The following MAML3 variants were observed in gnomAD, a reference collection of about 807,000 sequenced individuals.
The protein encoded by MAML3 is mastermind like transcriptional coactivator 3.
Under a neutral mutation model 101.9 loss-of-function variants are expected in MAML3, and 27 were observed. That is an observed-to-expected ratio of 0.27 (90% CI 0.20 to 0.37). The LOEUF (loss-of-function observed/expected upper bound fraction) is 0.37, where lower values mean the gene tolerates loss of function less well. Ranked by LOEUF, MAML3 falls within the 10% of genes least tolerant of loss-of-function variation. The pLI, the probability that MAML3 is intolerant of heterozygous loss-of-function variation, is 1.00. For synonymous variants in MAML3, 501 were observed against 555.9 expected, an observed-to-expected ratio of 0.90 and a Z score of 1.39; for missense variants, 1,316 against 1,444.9, an observed-to-expected ratio of 0.91 and a Z score of 1.45.
At chr4:139,954,325 G>A (rs575297789) in intron 1 of MAML3, among the ~76,000 whole-genome samples, 35 of 152,242 alleles carry the variant, frequency 2.3e-4, no homozygotes, top group African/African-American at 8.4e-4. Flanking sequence ...TTGTGCTTTG[G>A]GGATTGCTAT....
At chr4:139,861,689 C>T (rs1365766003) in intron 2 of MAML3, among the ~76,000 whole-genome samples, 3 of 152,156 alleles carry the variant, frequency 2.0e-5, no homozygotes, top group Non-Finnish European at 4.4e-5. Flanking sequence ...CAACTCCTGT[C>T]GGGCTCTTGC....
intron 1 of MAML3, among the ~76,000 whole-genome samples, chr4:140,141,420 A>C (rs1408952118): frequency 2.0e-5 from 3 of 152,228 alleles, no homozygotes; most frequent in Non-Finnish European, 2.9e-5. Context: ...ACCTGTAGGA[A>C]GTGGCAACTC....
At chr4:139,927,794 T>C (rs1578601232) in intron 1 of MAML3, among the ~76,000 whole-genome samples, 2 of 152,248 alleles carry the variant, frequency 1.3e-5, no homozygotes, top group Admixed American at 6.5e-5. Context: ...CATGTCTTTT[T>C]TCTGTGCCTT....
At chr4:139,846,778 T>C (rs1731459118) in intron 2 of MAML3, among the ~76,000 whole-genome samples, 1 of 152,266 alleles carries the variant, frequency 6.6e-6, no homozygotes, top group Admixed American at 6.5e-5. Flanking sequence ...TCCAGTATAC[T>C]TCAAATACCT....
At chr4:139,798,056 GAAAGAAAGAA>G (rs1730544696) in intron 2 of MAML3, among the ~76,000 whole-genome samples, 1 of 134,262 alleles carries the variant, frequency 7.4e-6, no homozygotes, top group Non-Finnish European at 1.5e-5. Flanking sequence ...AAGAAAGAAA[GAAAGAAAGAA>G]AGAAAGAAAG....
At chr4:140,133,909 A>G (rs1728838978) in intron 1 of MAML3, 1 of 348,800 alleles carries the variant, frequency 2.9e-6, no homozygotes, top group Admixed American at 3.9e-5. Context: ...AGAAACAAGG[A>G]TACTTCATCT....
At chr4:139,945,829 G>C (rs960771213) in intron 1 of MAML3, among the ~76,000 whole-genome samples, 1 of 152,154 alleles carries the variant, frequency 6.6e-6, no homozygotes, top group South Asian at 2.1e-4. Flanking sequence ...TCATACGAAG[G>C]CATTTATTCA....
rs780149153 is a variant in MAML3, at chr4:139,890,839, C to T, written c.597G>A (p.Gly199=). The T allele has an allele frequency of 1.5e-5, 25 of 1,613,858 alleles. No homozygotes were observed. The South Asian group carries it at 2.2e-4, about 14-fold the overall frequency. Residue 199 remains glycine, a synonymous_variant, in exon 2 of 5, where the codon GGG becomes GGA. Coordinates refer to ENST00000509479, the MANE Select transcript of MAML3 (RefSeq NM_018717.5). This position sits in a 1 kb window ranked among gnomAD's most constrained non-coding sequence, Gnocchi z 4.1. ...SKRIRKDISA[G]MEAINNLPSN... is the part of the protein sequence containing the mutation. Reference sequence around the variant, plus strand: ...TGGGCAAATTGTTGATGGCTTCCATCCCCGCAGAAATGTCCTTTCGAATTC... The same window carrying T: ...TGGGCAAATTGTTGATGGCTTCCATTCCCGCAGAAATGTCCTTTCGAATTC...
rs983135606 is a variant in MAML3, at chr4:139,899,240, T to C, written c.469-8273A>G. Among the ~76,000 whole-genome samples the C allele has an allele frequency of 2.0e-5, 3 of 152,198 alleles. No homozygotes were observed. In the East Asian group the frequency reaches 5.8e-4, roughly 29 times the overall value. On this transcript the variant is annotated intron_variant, in intron 1 of 4. Coordinates refer to ENST00000509479, the MANE Select transcript of MAML3 (RefSeq NM_018717.5). Reference sequence around the variant, plus strand: ...CATACACATACAAATCCAATGTCACTACAAAATGTTCCTGAGTTGATTGGT... The same window carrying C: ...CATACACATACAAATCCAATGTCACCACAAAATGTTCCTGAGTTGATTGGT...
intron 1 of MAML3, among the ~76,000 whole-genome samples, chr4:139,894,465 G>A (rs757737707): frequency 9.2e-5 from 14 of 151,442 alleles, no homozygotes; most frequent in Non-Finnish European, 1.9e-4. Flanking sequence ...AGCTGAGATC[G>A]TGCCACTGCA....
intron 1 of MAML3, among the ~76,000 whole-genome samples, chr4:140,056,119 A>T (rs550660843): frequency 6.6e-6 from 1 of 152,306 alleles, no homozygotes; most frequent in Non-Finnish European, 1.5e-5. Context: ...AGAGGCCAAT[A>T]CTGGAAAGCA....
chr4:139,948,301 G>A (rs779211288), intron 1 of MAML3, among the ~76,000 whole-genome samples: 4 of 152,088 alleles, frequency 2.6e-5, no homozygotes, highest in African/African-American at 4.8e-5. Flanking sequence ...TCACTGTTAA[G>A]AACAGTTGAT....
chr4:140,044,600 A>G (rs1024842613), intron 1 of MAML3, among the ~76,000 whole-genome samples: 1 of 152,214 alleles, frequency 6.6e-6, no homozygotes, highest in Admixed American at 6.5e-5. Context: ...AGCGGCCTCA[A>G]AGTGCCTGTG....
rs140770081 is a variant in MAML3, at chr4:139,968,928, G to A, written c.469-77961C>T. On this transcript the variant is annotated intron_variant, in intron 1 of 4. Transcript: ENST00000509479. ...CCCAGGGTAGCAAGCAGAGCAGCGT[G>A]CTGCCCCAAACCTACCTGGAAGCAC... 8.4e-3 allele frequency among the ~76,000 whole-genome samples: 1,281 copies of A among 152,092 alleles called. 25 individuals carry two copies. The highest frequency in any genetic ancestry group is 0.029 in the African/African-American group (1,219 of 41,480).
chr4:139,795,949 T>C (rs1023070968), intron 2 of MAML3, among the ~76,000 whole-genome samples: 1 of 152,212 alleles, frequency 6.6e-6, no homozygotes, highest in African/African-American at 2.4e-5. Context: ...CCACTATAAG[T>C]GTGACTGTAT....
intron 1 of MAML3, among the ~76,000 whole-genome samples, chr4:139,982,179 C>T (rs10034540): frequency 0.024 from 3,688 of 152,150 alleles, 150 homozygotes; most frequent in African/African-American, 0.082. Flanking sequence ...TTATTTATAC[C>T]AGTATAGATT....
intron 2 of MAML3, among the ~76,000 whole-genome samples, chr4:139,828,732 T>TTAAAAAA (rs1553959123): frequency 1.4e-5 from 2 of 144,448 alleles, no homozygotes; most frequent in African/African-American, 5.2e-5. Context: ...TTTTTTTTTT[T>TTAAAAAA]AAAAACATAG....
At chr4:140,095,330 C>A (rs1728138934) in intron 1 of MAML3, among the ~76,000 whole-genome samples, 1 of 152,116 alleles carries the variant, frequency 6.6e-6, no homozygotes, top group South Asian at 2.1e-4. Context: ...GTCTGGACCC[C>A]CCACTGCTTC....
chr4:139,970,196 A>G (rs1006317404), intron 1 of MAML3, among the ~76,000 whole-genome samples: 1 of 152,370 alleles, frequency 6.6e-6, no homozygotes, highest in East Asian at 1.9e-4. Flanking sequence ...GGAATCAATA[A>G]TTAAATTGAA....
Sources: allele counts gnomAD v4.1 joint callset (sites outside exome capture counted in the v4.1 genomes callset), GRCh38; gene constraint gnomAD v4.1.1; non-coding constraint Gnocchi (gnomAD v3.1); transcripts MANE v1.5; gene names NCBI Gene and HGNC (gene_info 2026-07-23, HGNC 2026-07-21).